TLN2: variants seen among roughly 807,000 people sequenced by gnomAD.
TLN2 encodes the protein talin-2.
TLN2 carries 118 observed loss-of-function variants against 294.7 expected under a neutral mutation model. That is an observed-to-expected ratio of 0.40 (90% CI 0.34 to 0.47). The LOEUF (loss-of-function observed/expected upper bound fraction) is 0.47, where lower values mean the gene tolerates loss of function less well. TLN2 is among the 20% of genes least tolerant of loss of function. The probability of loss-of-function intolerance (pLI) is 0.84; values close to 1 mark genes in which losing one functional copy is unlikely to be tolerated. For synonymous variants in TLN2, 1,431 were observed against 1,304.5 expected, an observed-to-expected ratio of 1.10 and a Z score of -2.09; for missense variants, 3,083 against 3,282.2, an observed-to-expected ratio of 0.94 and a Z score of 1.48.
chr15:62,825,187 C>T (rs971314614), intron 54 of TLN2, among the ~76,000 whole-genome samples: 1 of 152,190 alleles, frequency 6.6e-6, no homozygotes, highest in Non-Finnish European at 1.5e-5. Context: ...TTTCAAGATG[C>T]TGCCCCAATC....
At chr15:62,563,305 G>C (rs936203121) in intron 1 of TLN2, among the ~76,000 whole-genome samples, 17 of 152,202 alleles carry the variant, frequency 1.1e-4, no homozygotes, top group Admixed American at 1.1e-3. Context: ...GGAGTAAAGT[G>C]GTATTGCATT....
chr15:62,762,090 A>T (rs930078411), intron 38 of TLN2, among the ~76,000 whole-genome samples, 182 bp from the exon 39 acceptor site: 3 of 152,214 alleles, frequency 2.0e-5, no homozygotes, highest in Non-Finnish European at 4.4e-5. Flanking sequence ...TTAAGGGGCA[A>T]ACATGGGCTT....
chr15:62,496,787 C>T (rs376174687), intron 1 of TLN2, among the ~76,000 whole-genome samples: 29 of 152,298 alleles, frequency 1.9e-4, no homozygotes, highest in Middle Eastern at 3.4e-3. Flanking sequence ...TTATGGATCG[C>T]GACCAACTTC....
chr15:62,804,820 G>A (rs187538808), intron 50 of TLN2, among the ~76,000 whole-genome samples: 2 of 152,264 alleles, frequency 1.3e-5, no homozygotes, highest in East Asian at 3.9e-4. Flanking sequence ...GCTGAAACAT[G>A]GTTGCCTAGG....
intron 12 of TLN2, among the ~76,000 whole-genome samples, chr15:62,691,339 A>G (rs1335858960): frequency 1.3e-5 from 2 of 151,980 alleles, no homozygotes; most frequent in Non-Finnish European, 2.9e-5. Context: ...TTTCAGGTTT[A>G]CTGATTTTAT....
chr15:62,763,047 C>T (rs2062773347), intron 39 of TLN2, among the ~76,000 whole-genome samples: 1 of 152,172 alleles, frequency 6.6e-6, no homozygotes, highest in South Asian at 2.1e-4. Context: ...TTATATTTTG[C>T]TTCCTAGTTG....
intron 43 of TLN2, among the ~76,000 whole-genome samples, chr15:62,778,819 C>T (rs1190793580): frequency 1.3e-5 from 2 of 152,192 alleles, no homozygotes; most frequent in Non-Finnish European, 2.9e-5. Flanking sequence ...ATTGGGGTTT[C>T]AATGTTGCCC....
chr15:62,463,001 G>T (rs1263184600), intron 1 of TLN2, among the ~76,000 whole-genome samples: 1 of 152,334 alleles, frequency 6.6e-6, no homozygotes, highest in East Asian at 1.9e-4. Context: ...GCAGCTGGCT[G>T]ATGGCCGTGG....
At chr15:62,617,458 C>T (rs2048401006) in intron 2 of TLN2, among the ~76,000 whole-genome samples, 1 of 152,262 alleles carries the variant, frequency 6.6e-6, no homozygotes, top group South Asian at 2.1e-4. Flanking sequence ...CTCACCTATC[C>T]TTGTTTGCAC....
intron 1 of TLN2, among the ~76,000 whole-genome samples, chr15:62,412,592 A>G (rs1372085915): frequency 6.6e-6 from 1 of 152,212 alleles, no homozygotes; most frequent in Non-Finnish European, 1.5e-5. Context: ...TCCCTGGGTA[A>G]AGACTTACAT....
intron 11 of TLN2, among the ~76,000 whole-genome samples, chr15:62,684,330 A>G (rs1321996455): frequency 6.6e-6 from 1 of 152,110 alleles, no homozygotes. Flanking sequence ...GATTGTGCCA[A>G]CCCTGTGTGA....
At chr15:62,664,857 C>CAAAAAAAAAAAAAAAAAAA in intron 9 of TLN2, among the ~76,000 whole-genome samples, 11 of 29,222 alleles carry the variant, frequency 3.8e-4, no homozygotes, top group African/African-American at 1.3e-3. Context: ...GAAACTGTCT[C>CAAAAAAAAAAAAAAAAAAA]AAAAAAAAAA....
At chr15:62,698,621 T>A in intron 15 of TLN2, 133 bp from the exon 16 acceptor site, 1 of 652,296 alleles carries the variant, frequency 1.5e-6, no homozygotes, top group South Asian at 1.8e-5. Context: ...GGGAGATGGT[T>A]GAGGCGCTTG....
At chr15:62,526,232 C>T (rs949032985) in intron 1 of TLN2, among the ~76,000 whole-genome samples, 4 of 152,090 alleles carry the variant, frequency 2.6e-5, no homozygotes, top group African/African-American at 4.8e-5. Flanking sequence ...CAGGTTCAAG[C>T]GATTCTCCTG....
chr15:62,543,226 G>A (rs1305196968), intron 1 of TLN2, among the ~76,000 whole-genome samples: 1 of 152,178 alleles, frequency 6.6e-6, no homozygotes, highest in Admixed American at 6.5e-5. Context: ...TTGGTCTTAA[G>A]TCACTCCCTA....
At position 62,397,001 on chromosome 15, in the gene TLN2, G is replaced by T. The variant is rs2032603412; in HGVS notation, c.-238+6316G>T. ...ATTACAGGCATGAGCCACGGTGCCTGGCCTGAGAAGCCTTTCTAGATAGCA... is the reference window on the plus strand; with the variant it reads ...ATTACAGGCATGAGCCACGGTGCCTTGCCTGAGAAGCCTTTCTAGATAGCA... On this transcript the variant is annotated intron_variant, in intron 1 of 58. Transcript: ENST00000636159. 2.6e-5 allele frequency among the ~76,000 whole-genome samples: 4 copies of T among 152,230 alleles called. No homozygotes were observed. In the South Asian group the frequency reaches 8.3e-4, roughly 32 times the overall value.
chr15:62,781,679 C>G (rs2141082313), intron 44 of TLN2, among the ~76,000 whole-genome samples: 1 of 151,854 alleles, frequency 6.6e-6, no homozygotes, highest in Non-Finnish European at 1.5e-5. Context: ...CTGATGAAAT[C>G]AAGTTATAAT....
intron 51 of TLN2, among the ~76,000 whole-genome samples, chr15:62,806,025 A>T (rs988397022): frequency 3.3e-5 from 5 of 151,998 alleles, no homozygotes; most frequent in African/African-American, 1.2e-4. Flanking sequence ...CTCATCTCTT[A>T]AAAAAAATTT....
intron 1 of TLN2, among the ~76,000 whole-genome samples, chr15:62,548,728 A>C (rs142944610): frequency 6.6e-6 from 1 of 152,220 alleles, no homozygotes; most frequent in African/African-American, 2.4e-5. Flanking sequence ...GCTGGTAAAC[A>C]TCAACCTCTG....
Sources: gnomAD v4.1 joint callset for allele counts (sites outside exome capture counted in the v4.1 genomes callset) on GRCh38, gnomAD v4.1.1 for gene constraint, MANE v1.5 for transcripts, NCBI Gene and HGNC (gene_info 2026-07-23, HGNC 2026-07-21) for gene names.